Variants in SCHIP1 observed in about 807,000 individuals in gnomAD.
SCHIP1 encodes schwannomin interacting protein 1.
In SCHIP1, 8 loss-of-function variants were observed where a neutral mutation model predicts 29.7. The ratio of observed to expected loss-of-function variants is 0.27; its 90% CI spans 0.16 to 0.49. The LOEUF is 0.49. SCHIP1 is among the 20% of genes least tolerant of loss of function. The pLI is 0.99. For missense variants in SCHIP1, 193 were observed against 294.6 expected (o/e 0.66, Z 2.52); for synonymous variants, 76 against 94.9 (o/e 0.80, Z 1.16).
chr3:159,692,891 A>G, the SCHIP1 span, among the ~76,000 whole-genome samples: 5 of 152,232 alleles, frequency 3.3e-5, no homozygotes, highest in Non-Finnish European at 7.3e-5. Context: ...ACAAAAAAAA[A>G]TGTGGGACCC....
At chr3:159,617,863 C>A in the SCHIP1 span, among the ~76,000 whole-genome samples, 1 of 152,206 alleles carries the variant, frequency 6.6e-6, no homozygotes, top group African/African-American at 2.4e-5. Context: ...GAACATTTAG[C>A]GGGCAGAGGG....
the SCHIP1 span, among the ~76,000 whole-genome samples, chr3:159,499,987 A>ATT: frequency 5.2e-4 from 78 of 149,604 alleles, 1 homozygote; most frequent in South Asian, 3.8e-3. Flanking sequence ...CATTTTATAC[A>ATT]TTTTTTTTTT....
At chr3:159,555,129 G>GATTGTATT in the SCHIP1 span, among the ~76,000 whole-genome samples, 1 of 152,112 alleles carries the variant, frequency 6.6e-6, no homozygotes. Flanking sequence ...ATGGATTCCA[G>GATTGTATT]ATTGTATTAT....
At chr3:159,581,275 T>C in the SCHIP1 span, among the ~76,000 whole-genome samples, 2 of 152,308 alleles carry the variant, frequency 1.3e-5, no homozygotes, top group Admixed American at 1.3e-4. Flanking sequence ...TTGAGTTTCC[T>C]GGATTTTCTG....
chr3:159,516,182 A>G, the SCHIP1 span, among the ~76,000 whole-genome samples: 2 of 152,036 alleles, frequency 1.3e-5, no homozygotes, highest in Non-Finnish European at 1.5e-5. Context: ...TTTATTTCTT[A>G]TAAGTGATAA....
chr3:159,298,473 T>C, the SCHIP1 span, among the ~76,000 whole-genome samples: 1 of 152,184 alleles, frequency 6.6e-6, no homozygotes, highest in African/African-American at 2.4e-5. Context: ...AACTTATAGA[T>C]TAAAAAGAAA....
the SCHIP1 span, among the ~76,000 whole-genome samples, chr3:159,653,229 C>T: frequency 6.6e-6 from 1 of 152,106 alleles, no homozygotes; most frequent in African/African-American, 2.4e-5. Context: ...CCAGGAATCC[C>T]ATTACTGGGA....
chr3:159,479,719 A>G, the SCHIP1 span, among the ~76,000 whole-genome samples: 12 of 152,194 alleles, frequency 7.9e-5, no homozygotes, highest in Admixed American at 7.9e-4. Flanking sequence ...ACATTTACAG[A>G]TGAGAAAACT....
the SCHIP1 span, among the ~76,000 whole-genome samples, chr3:159,344,614 C>T: frequency 6.6e-6 from 1 of 152,128 alleles, no homozygotes; most frequent in African/African-American, 2.4e-5. Context: ...CTGACTAGTA[C>T]TTTTCAAAAC....
At chr3:159,513,020 A>C in the SCHIP1 span, among the ~76,000 whole-genome samples, 1 of 152,248 alleles carries the variant, frequency 6.6e-6, no homozygotes, top group East Asian at 1.9e-4. Context: ...ACAGGTATCA[A>C]ATTGGATAAC....
In SCHIP1 at chr3:159,866,235, A is replaced by T. The variant is rs531967531; in HGVS notation, c.103A>T (p.Ile35Phe). Residue 35 changes from isoleucine (I) to phenylalanine (F), a missense_variant, in exon 2 of 7, where the codon ATT (isoleucine) becomes TTT (phenylalanine). Ile to Phe is a conservative substitution (Grantham distance 21). Coordinates refer to ENST00000445224, the Ensembl canonical transcript of SCHIP1. ...AAGCTTCTTTGATGATGGCCCAGGA[A>T]TTTATACCAGCTGTAGCAAAAGTGG... 38 of 1,613,686 alleles carry T rather than the reference A, an allele frequency of 2.4e-5. No individual in the cohort carries two copies. The African/African-American group carries it at 3.6e-4, about 15-fold the overall frequency.
chr3:159,523,013 C>T, the SCHIP1 span, among the ~76,000 whole-genome samples: 15 of 152,270 alleles, frequency 9.9e-5, 1 homozygote, highest in African/African-American at 3.4e-4. Context: ...CTTCCATATA[C>T]CCATTATCTG....
At chr3:159,494,860 C>T in the SCHIP1 span, among the ~76,000 whole-genome samples, 1 of 152,006 alleles carries the variant, frequency 6.6e-6, no homozygotes, top group Admixed American at 6.6e-5. Context: ...ATCCTCAATA[C>T]AATACTGGCA....
the SCHIP1 span, among the ~76,000 whole-genome samples, chr3:159,626,233 GAT>G: frequency 6.2e-5 from 6 of 97,138 alleles, no homozygotes; most frequent in African/African-American, 3.5e-4. Flanking sequence ...TATATATCTA[GAT>G]ATATCTATCT....
At chr3:159,674,524 C>A in the SCHIP1 span, among the ~76,000 whole-genome samples, 1 of 145,244 alleles carries the variant, frequency 6.9e-6, no homozygotes, top group Non-Finnish European at 1.5e-5. Flanking sequence ...AGACATGTGG[C>A]AGCGGTCTTT....
the SCHIP1 span, among the ~76,000 whole-genome samples, chr3:159,581,571 CT>C: frequency 6.6e-6 from 1 of 151,394 alleles, no homozygotes; most frequent in Non-Finnish European, 1.5e-5. Context: ...GGTAAATAGC[CT>C]CCCCCATGAT....
the SCHIP1 span, among the ~76,000 whole-genome samples, chr3:159,488,097 G>A: frequency 2.1e-3 from 244 of 118,824 alleles, 1 homozygote; most frequent in African/African-American, 6.3e-3. Flanking sequence ...GGCACAGAAA[G>A]ACAAACTTTA....
the SCHIP1 span, among the ~76,000 whole-genome samples, chr3:159,333,781 G>GA: frequency 3.3e-5 from 5 of 151,508 alleles, no homozygotes; most frequent in African/African-American, 7.3e-5. Context: ...TCTGTCGGTG[G>GA]AAAAAAAATA....
At chr3:159,800,204 C>T in the SCHIP1 span, among the ~76,000 whole-genome samples, 1 of 152,176 alleles carries the variant, frequency 6.6e-6, no homozygotes, top group South Asian at 2.1e-4. Flanking sequence ...GTAAACAAAA[C>T]ACAGATAACA....
Sources: gnomAD v4.1 joint callset for allele counts (sites outside exome capture counted in the v4.1 genomes callset) on GRCh38, gnomAD v4.1.1 for gene constraint, MANE v1.5 for transcripts, NCBI Gene and HGNC (gene_info 2026-07-23, HGNC 2026-07-21) for gene names.